The following CDK14 variants were observed in gnomAD, a reference collection of about 807,000 sequenced individuals.
CDK14 encodes the protein cyclin dependent kinase 14.
In CDK14, 34 loss-of-function variants were observed where a neutral mutation model predicts 60.7. The observed-to-expected ratio is 0.56, with a 90% CI of 0.43 to 0.75. The LOEUF (loss-of-function observed/expected upper bound fraction) is 0.75, where lower values mean the gene tolerates loss of function less well. CDK14 is among the 30% of genes least tolerant of loss of function. The probability of loss-of-function intolerance (pLI) is 0.00; values close to 1 mark genes in which losing one functional copy is unlikely to be tolerated. For synonymous variants in CDK14, 197 were observed against 203.7 expected, an observed-to-expected ratio of 0.97 and a Z score of 0.28; for missense variants, 482 against 564.1, an observed-to-expected ratio of 0.85 and a Z score of 1.47.
At chr7:90,919,717 C>G (rs1308963121) in intron 8 of CDK14, among the ~76,000 whole-genome samples, 2 of 152,154 alleles carry the variant, frequency 1.3e-5, no homozygotes, top group Non-Finnish European at 2.9e-5. Context: ...TTGACAAAAT[C>G]ATTTGTAACG....
intron 6 of CDK14, among the ~76,000 whole-genome samples, chr7:90,894,417 AG>A (rs1300894111): frequency 6.6e-6 from 1 of 152,216 alleles, no homozygotes; most frequent in East Asian, 1.9e-4. Context: ...GCATACACAT[AG>A]TACGTTTTCG....
intron 14 of CDK14, among the ~76,000 whole-genome samples, chr7:91,189,640 T>C (rs943187506): frequency 3.3e-5 from 5 of 152,176 alleles, no homozygotes; most frequent in Non-Finnish European, 4.4e-5. Context: ...AACTTTCCTA[T>C]TGCTAGAAGA....
At chr7:90,687,528 G>A (rs1184879863) in intron 2 of CDK14, among the ~76,000 whole-genome samples, 1 of 152,070 alleles carries the variant, frequency 6.6e-6, no homozygotes, top group Non-Finnish European at 1.5e-5. Flanking sequence ...CAGTAGTACT[G>A]AAAGGAGAAA....
At chr7:90,908,725 G>A (rs2117385820) in intron 7 of CDK14, among the ~76,000 whole-genome samples, 1 of 152,232 alleles carries the variant, frequency 6.6e-6, no homozygotes, top group South Asian at 2.1e-4. Flanking sequence ...ACAGCTCTAG[G>A]TATTTTCTCG....
At chr7:90,803,822 G>T (rs1344773246) in intron 5 of CDK14, among the ~76,000 whole-genome samples, 1 of 152,130 alleles carries the variant, frequency 6.6e-6, no homozygotes, top group Non-Finnish European at 1.5e-5. Context: ...AATTCCTTGA[G>T]GGAGGTTGAT....
intron 2 of CDK14, among the ~76,000 whole-genome samples, chr7:90,676,727 G>C (rs555763694): frequency 1.3e-5 from 2 of 151,966 alleles, no homozygotes; most frequent in Non-Finnish European, 2.9e-5. Context: ...GTAAAGATGG[G>C]GTCTCACTAT....
intron 12 of CDK14, among the ~76,000 whole-genome samples, chr7:91,102,075 T>C (rs1359890544): frequency 1.3e-5 from 2 of 152,166 alleles, no homozygotes; most frequent in African/African-American, 4.8e-5. Flanking sequence ...ATCATCCAGA[T>C]CATTTTCAAG....
intron 2 of CDK14, among the ~76,000 whole-genome samples, chr7:90,657,489 G>T (rs1243857655): frequency 6.6e-6 from 1 of 152,160 alleles, no homozygotes; most frequent in Non-Finnish European, 1.5e-5. Flanking sequence ...TTCTGGCATA[G>T]TGTTGGCAGA....
intron 11 of CDK14, among the ~76,000 whole-genome samples, chr7:91,058,058 T>A (rs1482565329): frequency 6.6e-6 from 1 of 152,170 alleles, no homozygotes; most frequent in Non-Finnish European, 1.5e-5. Flanking sequence ...TTCTTCCATT[T>A]GTTTGTATCC....
intron 11 of CDK14, among the ~76,000 whole-genome samples, chr7:91,068,755 C>T (rs919696368): frequency 1.4e-5 from 2 of 145,880 alleles, no homozygotes; most frequent in Non-Finnish European, 3.0e-5. Context: ...TGCTTCCAAC[C>T]TTGCCTTCTG....
rs533095352 is a variant in CDK14 at position 90,873,215 on chromosome 7, A to G, written c.639+9946A>G. 2.0e-5 allele frequency among the ~76,000 whole-genome samples: 3 copies of G among 152,302 alleles called. No individual in the cohort carries two copies. The East Asian group carries it at 5.8e-4, about 29-fold the overall frequency. On this transcript the variant is annotated intron_variant, in intron 6 of 14. Coordinates refer to ENST00000380050, the MANE Select transcript of CDK14 (RefSeq NM_001287135.2). ...GGAGAGATTAGAGAAAGCTCCAGCT[A>G]AGGTACAAAAGTTGCCACCTGATGT...
chr7:90,938,215 G>T (rs1287257765), intron 8 of CDK14, among the ~76,000 whole-genome samples: 1 of 152,086 alleles, frequency 6.6e-6, no homozygotes, highest in South Asian at 2.1e-4. Flanking sequence ...GTACTAAATG[G>T]CAATCCTTTC....
At chr7:90,677,868 G>T (rs1801232737) in intron 2 of CDK14, among the ~76,000 whole-genome samples, 1 of 152,170 alleles carries the variant, frequency 6.6e-6, no homozygotes, top group Non-Finnish European at 1.5e-5. Context: ...TGATGCCTTA[G>T]TGCCCTGCTC....
chr7:90,659,875 CTGTGT>C (rs1326676147), intron 2 of CDK14, among the ~76,000 whole-genome samples: 7 of 128,976 alleles, frequency 5.4e-5, no homozygotes, highest in African/African-American at 1.8e-4. Flanking sequence ...CTCTCTCTCT[CTGTGT>C]GTGTGTGTGT....
intron 2 of CDK14, among the ~76,000 whole-genome samples, chr7:90,610,970 A>C (rs1216331041): frequency 6.6e-6 from 1 of 152,126 alleles, no homozygotes; most frequent in East Asian, 1.9e-4. Flanking sequence ...CTCCCTGTCA[A>C]CATCCTGCCC....
At chr7:90,732,012 C>T (rs1380970024) in intron 3 of CDK14, among the ~76,000 whole-genome samples, 1 of 152,002 alleles carries the variant, frequency 6.6e-6, no homozygotes, top group Non-Finnish European at 1.5e-5. Context: ...GAGAAACATC[C>T]CATCAATACC....
chr7:91,043,572 A>G (rs1797148243), intron 10 of CDK14, among the ~76,000 whole-genome samples: 1 of 152,214 alleles, frequency 6.6e-6, no homozygotes, highest in Non-Finnish European at 1.5e-5. Flanking sequence ...CCTTTTGCAG[A>G]CACTGTTATC....
chr7:91,101,289 TC>T (rs1562904827), intron 12 of CDK14, among the ~76,000 whole-genome samples: 2 of 152,276 alleles, frequency 1.3e-5, no homozygotes, highest in East Asian at 3.9e-4. Context: ...GTCTGAATAC[TC>T]CCCATTTTGT....
chr7:91,168,213 G>C (rs928000346), intron 14 of CDK14, among the ~76,000 whole-genome samples: 1 of 146,292 alleles, frequency 6.8e-6, no homozygotes, highest in Non-Finnish European at 1.5e-5. Context: ...AGTGAGCCGA[G>C]ACCATGCCAC....
Sources: allele counts gnomAD v4.1 joint callset (sites outside exome capture counted in the v4.1 genomes callset), GRCh38; gene constraint gnomAD v4.1.1; transcripts MANE v1.5; gene names NCBI Gene and HGNC (gene_info 2026-07-23, HGNC 2026-07-21).